The following NDUFS4 variants were observed in gnomAD, a reference collection of about 807,000 sequenced individuals.
NDUFS4 encodes NADH:ubiquinone oxidoreductase subunit S4.
NDUFS4 carries 28 observed loss-of-function variants against 24.3 expected under a neutral mutation model. The ratio of observed to expected loss-of-function variants is 1.15; its 90% confidence interval spans 0.85 to 1.58. The LOEUF is 1.58. Ranked by LOEUF, NDUFS4 falls within the 40% of genes most tolerant of loss-of-function variation. The pLI is 0.00. For missense variants in NDUFS4, 223 were observed against 207.9 expected (o/e 1.07, Z -0.45); for synonymous variants, 93 against 69.7 (o/e 1.34, Z -1.67).
At chr5:53,661,451 T>C (rs572386067) in intron 4 of NDUFS4, among the ~76,000 whole-genome samples, 2 of 152,184 alleles carry the variant, frequency 1.3e-5, no homozygotes, top group Non-Finnish European at 2.9e-5. Context: ...TCCAGCTTTG[T>C]TCTTTTGGCT....
intron 1 of NDUFS4, among the ~76,000 whole-genome samples, chr5:53,580,157 C>T (rs981108741): frequency 3.3e-5 from 5 of 152,202 alleles, no homozygotes; most frequent in African/African-American, 1.2e-4. Context: ...ACTTCATTTA[C>T]CATCTATTTA....
chr5:53,622,085 T>A (rs1751058294), intron 2 of NDUFS4, among the ~76,000 whole-genome samples: 2 of 152,160 alleles, frequency 1.3e-5, no homozygotes. Flanking sequence ...ACTCACAAAT[T>A]TATCATTTTT....
intron 1 of NDUFS4, among the ~76,000 whole-genome samples, chr5:53,579,345 T>C (rs1200256847): frequency 6.6e-6 from 1 of 152,206 alleles, no homozygotes; most frequent in Non-Finnish European, 1.5e-5. Context: ...GCCAAATGAA[T>C]TCTTGTGAAC....
chr5:53,650,029 C>G (rs1240796779), intron 3 of NDUFS4, among the ~76,000 whole-genome samples: 1 of 152,094 alleles, frequency 6.6e-6, no homozygotes, highest in Non-Finnish European at 1.5e-5. Flanking sequence ...AAACCACATG[C>G]TTCTAGAAGC....
chr5:53,628,108 C>T lies in NDUFS4; in HGVS notation c.178-18125C>T, dbSNP rs1035145656. On this transcript the variant is annotated intron_variant, in intron 2 of 4. Transcript: ENST00000296684. ...AGCATGAAGGGCTGTTGAATTTTGT[C>T]GAAGGCCTTTTCTGCATCTATTGAG... 3.3e-5 allele frequency among the ~76,000 whole-genome samples: 5 copies of T among 152,196 alleles called. No individual in the cohort carries two copies. In the East Asian group the frequency reaches 5.8e-4, roughly 18 times the overall value.
intron 1 of NDUFS4, among the ~76,000 whole-genome samples, chr5:53,584,075 C>T (rs1749663053): frequency 6.6e-6 from 1 of 152,216 alleles, no homozygotes; most frequent in African/African-American, 2.4e-5. Context: ...ACACCTCCCA[C>T]TCCCCAATGC....
rs142696449 is a variant in NDUFS4 at position 53,667,043 on chromosome 5, G to A, written c.424+8419G>A. Reference sequence around the variant, plus strand: ...TAATGATTATTCCACTCTTGATTTCGGTATAGTACTTATGATCTGCCTTAT... The same window carrying A: ...TAATGATTATTCCACTCTTGATTTCAGTATAGTACTTATGATCTGCCTTAT... On this transcript the variant is annotated intron_variant, in intron 4 of 4. Coordinates refer to ENST00000296684, the MANE Select transcript of NDUFS4 (RefSeq NM_002495.4). 9.5e-3 allele frequency among the ~76,000 whole-genome samples: 1,439 copies of A among 152,140 alleles called. 17 individuals carry two copies. The highest frequency in any genetic ancestry group is 0.032 in the African/African-American group (1,337 of 41,484).
At chr5:53,653,155 A>G (rs957108156) in intron 3 of NDUFS4, among the ~76,000 whole-genome samples, 2 of 139,280 alleles carry the variant, frequency 1.4e-5, no homozygotes, top group Admixed American at 1.4e-4. Context: ...TTAAATTTTA[A>G]AAATGTTTTT....
At chr5:53,656,626 G>A (rs1450376094) in intron 3 of NDUFS4, among the ~76,000 whole-genome samples, 2 of 152,142 alleles carry the variant, frequency 1.3e-5, no homozygotes, top group Non-Finnish European at 2.9e-5. Flanking sequence ...TACTTCTCAG[G>A]GGAGTAATTA....
chr5:53,628,654 T>A (rs914226181), intron 2 of NDUFS4, among the ~76,000 whole-genome samples: 1 of 152,190 alleles, frequency 6.6e-6, no homozygotes, highest in African/African-American at 2.4e-5. Flanking sequence ...GATTTTCTAG[T>A]TTATTTGCAT....
intron 1 of NDUFS4, among the ~76,000 whole-genome samples, chr5:53,597,010 T>C (rs1257061951): frequency 6.6e-6 from 1 of 152,162 alleles, no homozygotes; most frequent in Non-Finnish European, 1.5e-5. Flanking sequence ...ACAACAGTAG[T>C]CTTCTGTTTT....
intron 4 of NDUFS4, among the ~76,000 whole-genome samples, chr5:53,661,778 A>G (rs1752350705): frequency 9.1e-6 from 1 of 109,916 alleles, no homozygotes; most frequent in Admixed American, 1.0e-4. Context: ...TGTGAATGGG[A>G]GTTCACTCAT....
chr5:53,662,003 G>A (rs373681480), intron 4 of NDUFS4, among the ~76,000 whole-genome samples: 1 of 152,060 alleles, frequency 6.6e-6, no homozygotes, highest in African/African-American at 2.4e-5. Context: ...TCTCCTGCCT[G>A]ATTGCCCTGG....
At chr5:53,646,156 A>C (rs1347281670) in intron 2 of NDUFS4, 77 bp from the exon 3 acceptor site, 1 of 1,193,166 alleles carries the variant, frequency 8.4e-7, no homozygotes, top group African/African-American at 1.5e-5. Context: ...AGTTGCATGA[A>C]TATAGGAAAC....
intron 3 of NDUFS4, among the ~76,000 whole-genome samples, chr5:53,647,189 T>G (rs1475156069): frequency 1.3e-5 from 2 of 151,684 alleles, no homozygotes; most frequent in African/African-American, 2.4e-5. Context: ...TAATAATAAA[T>G]AATAATAAAT....
At chr5:53,615,964 CT>C (rs1750825604) in intron 2 of NDUFS4, among the ~76,000 whole-genome samples, 1 of 151,932 alleles carries the variant, frequency 6.6e-6, no homozygotes, top group Non-Finnish European at 1.5e-5. Flanking sequence ...ATTTTTAAAC[CT>C]AATTGGGTAG....
intron 1 of NDUFS4, among the ~76,000 whole-genome samples, chr5:53,570,841 G>A (rs1019293516): frequency 6.6e-6 from 1 of 151,726 alleles, no homozygotes; most frequent in Non-Finnish European, 1.5e-5. Context: ...ATGCCACCAT[G>A]CCCGGCTAAT....
intron 4 of NDUFS4, among the ~76,000 whole-genome samples, chr5:53,670,897 T>C (rs1372122615): frequency 6.6e-6 from 1 of 151,406 alleles, no homozygotes; most frequent in Non-Finnish European, 1.5e-5. Context: ...GATACTATAG[T>C]ATCTCTTTAC....
intron 4 of NDUFS4, among the ~76,000 whole-genome samples, chr5:53,672,074 C>T (rs978816751): frequency 7.9e-5 from 12 of 151,974 alleles, no homozygotes; most frequent in Admixed American, 7.9e-4. Flanking sequence ...AGGTCTGGCC[C>T]TGGATCCAGG....
Sources: gnomAD v4.1 joint callset for allele counts (sites outside exome capture counted in the v4.1 genomes callset) on GRCh38, gnomAD v4.1.1 for gene constraint, MANE v1.5 for transcripts, NCBI Gene and HGNC (gene_info 2026-07-23, HGNC 2026-07-21) for gene names.